PPP2R2B: variants seen among roughly 807,000 people sequenced by gnomAD.
The protein encoded by PPP2R2B is serine/threonine-protein phosphatase 2A 55 kDa regulatory subunit B beta isoform.
A neutral mutation model predicts 46.0 loss-of-function variants in PPP2R2B; 5 were observed. That is an observed-to-expected ratio of 0.11 (90% CI 0.06 to 0.23). PPP2R2B has a LOEUF of 0.23. PPP2R2B is among the 10% of genes least tolerant of loss of function. The pLI is 1.00. For synonymous variants in PPP2R2B, 215 were observed against 206.7 expected, an observed-to-expected ratio of 1.04 and a Z score of -0.34; for missense variants, 367 against 575.0, an observed-to-expected ratio of 0.64 and a Z score of 3.70.
chr5:147,069,250 A>G (rs1757503097), intron 2 of PPP2R2B, among the ~76,000 whole-genome samples: 1 of 152,230 alleles, frequency 6.6e-6, no homozygotes, highest in African/African-American at 2.4e-5. Context: ...TGAGGTATGA[A>G]GAGCTCTACG....
intron 2 of PPP2R2B, among the ~76,000 whole-genome samples, chr5:146,839,774 C>T (rs1351595122): frequency 4.6e-5 from 7 of 152,230 alleles, no homozygotes; most frequent in Non-Finnish European, 8.8e-5. Context: ...AACTTGCTGA[C>T]TTCTTGGCTG....
intron 1 of PPP2R2B, among the ~76,000 whole-genome samples, chr5:146,981,518 AT>A (rs148137867): frequency 2.0e-4 from 31 of 152,204 alleles, no homozygotes; most frequent in African/African-American, 6.3e-4. Flanking sequence ...TTTTTGTTTA[AT>A]TAAATATTTT....
chr5:147,021,427 T>C (rs931742798), intron 1 of PPP2R2B, among the ~76,000 whole-genome samples: 3 of 152,196 alleles, frequency 2.0e-5, no homozygotes, highest in Admixed American at 6.5e-5. Context: ...ATTGAGTCTT[T>C]GGTTGAATAC....
At position 146,589,796 on chromosome 5, in the gene PPP2R2B, T is replaced by TG; in HGVS notation, c.*150dup. 1.2e-6 allele frequency: 1 copy of TG among 829,074 alleles called. No individual in the cohort carries two copies. The highest frequency in any genetic ancestry group is 1.9e-6 in the Non-Finnish European group (1 of 534,788). 51.4% of individuals were successfully genotyped at this position (829,074 alleles called of 1,614,324 possible). ...CAAAAGTTTCTTAGAACTGGGGAGC[T>TG]GGGAATGTTGGACTCCTTTTAATTC... is the stretch of plus-strand genomic sequence containing the variant. On this transcript the variant is annotated 3_prime_UTR_variant, in exon 10 of 10. Transcript: ENST00000394411.
At chr5:146,908,081 C>T (rs1447602009) in intron 1 of PPP2R2B, among the ~76,000 whole-genome samples, 1 of 152,192 alleles carries the variant, frequency 6.6e-6, no homozygotes, top group Non-Finnish European at 1.5e-5. Context: ...CTAAATCAAA[C>T]TACATGATAC....
At chr5:146,877,088 C>A (rs140733378) in intron 2 of PPP2R2B, among the ~76,000 whole-genome samples, 1 of 152,058 alleles carries the variant, frequency 6.6e-6, no homozygotes, top group African/African-American at 2.4e-5. Flanking sequence ...GGATAAAAGG[C>A]CTACAGGTAG....
intron 2 of PPP2R2B, among the ~76,000 whole-genome samples, chr5:146,853,338 AGTTT>A: frequency 6.6e-6 from 1 of 152,154 alleles, no homozygotes; most frequent in Non-Finnish European, 1.5e-5. Flanking sequence ...AGTTCCATGT[AGTTT>A]AAAAAGTCCT....
chr5:146,907,228 G>A (rs947843603), intron 1 of PPP2R2B, among the ~76,000 whole-genome samples: 13 of 151,816 alleles, frequency 8.6e-5, no homozygotes, highest in Non-Finnish European at 4.4e-5. Context: ...TCCATCAGCA[G>A]ATGTAGAAGT....
intron 5 of PPP2R2B, among the ~76,000 whole-genome samples, chr5:146,676,397 T>A (rs1399569510): frequency 1.3e-5 from 2 of 152,098 alleles, no homozygotes; most frequent in African/African-American, 4.8e-5. Context: ...GTACCACACA[T>A]CCCCTGCACT....
intron 2 of PPP2R2B, among the ~76,000 whole-genome samples, chr5:146,855,109 A>G (rs1470170945): frequency 1.3e-5 from 2 of 152,038 alleles, no homozygotes; most frequent in Non-Finnish European, 2.9e-5. Context: ...ACCAAATAAA[A>G]CTCAAACCCC....
intron 2 of PPP2R2B, among the ~76,000 whole-genome samples, chr5:146,861,735 G>A (rs187320393): frequency 2.6e-4 from 40 of 152,006 alleles, no homozygotes; most frequent in Admixed American, 1.8e-3. Context: ...TATTTTTGTT[G>A]CCATTTTTCC....
intron 1 of PPP2R2B, among the ~76,000 whole-genome samples, chr5:146,999,013 C>CAAAAAA (rs60753702): frequency 1.4e-3 from 92 of 65,210 alleles, no homozygotes; most frequent in African/African-American, 1.6e-3. Flanking sequence ...GACTCCATAT[C>CAAAAAA]AAAAAAAAAA....
At chr5:146,842,051 G>C (rs867345132) in intron 2 of PPP2R2B, among the ~76,000 whole-genome samples, 1 of 152,126 alleles carries the variant, frequency 6.6e-6, no homozygotes, top group South Asian at 2.1e-4. Flanking sequence ...ATACTCCCTA[G>C]CCACATCACT....
intron 1 of PPP2R2B, among the ~76,000 whole-genome samples, chr5:146,933,904 T>C (rs1477897446): frequency 1.4e-5 from 2 of 148,132 alleles, no homozygotes; most frequent in African/African-American, 2.5e-5. Context: ...ATTGTTCAAT[T>C]CCCACCTATG....
intron 1 of PPP2R2B, among the ~76,000 whole-genome samples, chr5:146,912,850 T>C (rs1388239269): frequency 6.6e-6 from 1 of 152,104 alleles, no homozygotes; most frequent in Non-Finnish European, 1.5e-5. Flanking sequence ...TATTAATTCA[T>C]AACAAACACC....
chr5:146,903,851 T>C (rs1762916813), intron 1 of PPP2R2B, among the ~76,000 whole-genome samples: 1 of 152,208 alleles, frequency 6.6e-6, no homozygotes, highest in Non-Finnish European at 1.5e-5. Context: ...ATGGGGATAA[T>C]AATTATTGAC....
At chr5:146,743,297 C>T (rs1344651238) in intron 2 of PPP2R2B, among the ~76,000 whole-genome samples, 2 of 152,122 alleles carry the variant, frequency 1.3e-5, no homozygotes, top group African/African-American at 4.8e-5. Flanking sequence ...TCAACATATG[C>T]TGGACTGAAA....
rs371118947 is a variant in PPP2R2B at position 146,697,945 on chromosome 5, A to G, written c.334+34T>C. On this transcript the variant is annotated intron_variant, in intron 4 of 9. Coordinates refer to ENST00000394411, the MANE Select transcript of PPP2R2B (RefSeq NM_181675.4). ...TGAAGTATATAGTTTGGCCGACTGT[A>G]TCTCTGAAAATACCAAACAGGAATT... is the stretch of plus-strand genomic sequence containing the variant. The G allele has an allele frequency of 2.9e-5, 46 of 1,584,320 alleles. No individual in the cohort carries two copies. The African/African-American group carries it at 5.2e-4, about 18-fold the overall frequency.
At chr5:146,746,641 G>A (rs1222664367) in intron 2 of PPP2R2B, among the ~76,000 whole-genome samples, 11 of 152,196 alleles carry the variant, frequency 7.2e-5, no homozygotes, top group Admixed American at 6.5e-5. Context: ...TCTTCCTTGC[G>A]CTACCCCTGC....
Sources: allele counts gnomAD v4.1 joint callset (sites outside exome capture counted in the v4.1 genomes callset), GRCh38; gene constraint gnomAD v4.1.1; transcripts MANE v1.5; gene names NCBI Gene and HGNC (gene_info 2026-07-23, HGNC 2026-07-21).